The following RPS6KA6 variants were observed in gnomAD, a reference collection of about 807,000 sequenced individuals.
The protein encoded by RPS6KA6 is ribosomal protein S6 kinase A6.
In RPS6KA6, 27 loss-of-function variants were observed where a neutral mutation model predicts 65.4. That is an observed-to-expected ratio of 0.41 (90% CI 0.30 to 0.57). RPS6KA6 has a LOEUF of 0.57. RPS6KA6 is among the 20% of genes least tolerant of loss of function. The pLI, the probability that RPS6KA6 is intolerant of heterozygous loss-of-function variation, is 0.24. For missense variants in RPS6KA6, 486 were observed against 555.6 expected, an observed-to-expected ratio of 0.87 and a Z score of 1.26; for synonymous variants, 190 against 184.2, an observed-to-expected ratio of 1.03 and a Z score of -0.26.
intron 17 of RPS6KA6, among the ~76,000 whole-genome samples, chrX:84,103,353 A>C (rs747968355): frequency 9.0e-6 from 1 of 111,305 alleles, no homozygotes; most frequent in East Asian, 2.8e-4. Context: ...AATAGAAACA[A>C]TAAAGAAGAA....
At chrX:84,071,458 C>T (rs751903598) in intron 20 of RPS6KA6, among the ~76,000 whole-genome samples, 1 of 111,005 alleles carries the variant, frequency 9.0e-6, no homozygotes, top group East Asian at 2.8e-4. Flanking sequence ...TAGTCTGGTC[C>T]TGCCTAAAAA....
At chrX:84,107,149 T>A in intron 13 of RPS6KA6, 109 bp from the exon 14 acceptor site, 1 of 559,816 alleles carries the variant, frequency 1.8e-6, no homozygotes, top group Non-Finnish European at 2.7e-6. Context: ...TACTAACATA[T>A]TATATATTTG....
intron 20 of RPS6KA6, among the ~76,000 whole-genome samples, chrX:84,084,819 T>C: frequency 8.9e-6 from 1 of 112,358 alleles, no homozygotes. Flanking sequence ...ACTTTCATGA[T>C]ATCGATTCTT....
chrX:84,146,302 G>T (rs2035198285), intron 5 of RPS6KA6, among the ~76,000 whole-genome samples: 1 of 111,440 alleles, frequency 9.0e-6, no homozygotes, highest in Non-Finnish European at 1.9e-5. Flanking sequence ...ATATTTTAAT[G>T]TATTATTTGT....
chrX:84,118,654 T>C lies in RPS6KA6; in HGVS notation c.790-1200A>G, dbSNP rs758704014. On this transcript the variant is annotated intron_variant, in intron 9 of 21. Coordinates refer to ENST00000262752, the MANE Select transcript of RPS6KA6 (RefSeq NM_014496.5). ...AACCCCCTAAAGCTCACAAATTTTATAGGCATTTTTATCTTTGACAATTCA... is the reference window on the plus strand; with the variant it reads ...AACCCCCTAAAGCTCACAAATTTTACAGGCATTTTTATCTTTGACAATTCA... Among the ~76,000 whole-genome samples the C allele has an allele frequency of 1.5e-4, 17 of 112,107 alleles. No individual in the cohort carries two copies. In the South Asian group the frequency reaches 3.7e-3, roughly 25 times the overall value.
intron 3 of RPS6KA6, among the ~76,000 whole-genome samples, chrX:84,151,588 C>G (rs1056374301): frequency 3.6e-5 from 4 of 110,874 alleles, no homozygotes; most frequent in African/African-American, 1.3e-4. Flanking sequence ...TCCATAAAAA[C>G]AGTGGTTGGT....
At position 84,188,021 on chromosome X, in the gene RPS6KA6, C is replaced by G; in HGVS notation, c.-122G>C. 5 of 406,929 alleles carry G rather than the reference C, an allele frequency of 1.2e-5. No homozygotes were observed. Among genetic ancestry groups the G allele is most frequent in the African/African-American group, 2.9e-5 (1 of 35,033 alleles). 33.5% of individuals were successfully genotyped at this position (406,929 alleles called of 1,213,427 possible). ...GCCGCCGCCGCCGCGACCCCCAGCC[C>G]CGCCTTCAGCGAGCGCTGCCCTCGC... On this transcript the variant is annotated 5_prime_UTR_variant, in exon 1 of 22. Coordinates refer to ENST00000262752, the MANE Select transcript of RPS6KA6 (RefSeq NM_014496.5).
chrX:84,106,316 T>G, intron 15 of RPS6KA6, 49 bp downstream of exon 15: 1 of 1,132,210 alleles, frequency 8.8e-7, no homozygotes, highest in Non-Finnish European at 1.2e-6. Context: ...ACTCATAATT[T>G]AAATTACATG....
At position 84,156,101 on chromosome X, in the gene RPS6KA6, C is replaced by A; in HGVS notation, c.232G>T (p.Val78Phe). The stretch of plus-strand genomic sequence containing the variant: ...TTTCCAAATGACCCCTGACCAAGAA[C>A]CTTGAGCAACTCAAACTGTGCAGGA... ...ADPAQFELLKVLGQGSFGKVF... is the reference protein window; with the variant it reads ...ADPAQFELLKFLGQGSFGKVF... The change falls in exon 3 of 22, where the codon GTT becomes TTT. Residue 78 changes from valine (V) to phenylalanine (F), a missense_variant. Coordinates refer to ENST00000262752, the MANE Select transcript of RPS6KA6 (RefSeq NM_014496.5). 1 of 1,187,583 alleles carries A rather than the reference C, an allele frequency of 8.4e-7. No individual in the cohort carries two copies. Among genetic ancestry groups the A allele is most frequent in the East Asian group, 3.0e-5 (1 of 33,615 alleles).
At chrX:84,173,195 A>G (rs1340349359) in intron 1 of RPS6KA6, among the ~76,000 whole-genome samples, 2 of 110,850 alleles carry the variant, frequency 1.8e-5, no homozygotes, top group South Asian at 3.8e-4. Flanking sequence ...CATCAGGTAA[A>G]TTTCTTGTCA....
chrX:84,138,801 TTGTG>T (rs3077407), intron 6 of RPS6KA6, among the ~76,000 whole-genome samples: 14,765 of 99,043 alleles, frequency 0.15, 1,026 homozygotes, highest in Middle Eastern at 0.25. Context: ...ACCTGTGTAT[TTGTG>T]TGTGTGTGTG....
Position 84,145,508 on chromosome X carries a change from T to TC in RPS6KA6, c.470dup (p.Gly158ArgfsTer40). 8.7e-7 allele frequency: 1 copy of TC among 1,153,988 alleles called. No individual in the cohort carries two copies. Among genetic ancestry groups the TC allele is most frequent in the Non-Finnish European group, 1.2e-6 (1 of 862,022 alleles). On this transcript the variant is annotated frameshift_variant, in exon 6 of 22. Coordinates refer to ENST00000262752, the MANE Select transcript of RPS6KA6 (RefSeq NM_014496.5). LOFTEE classifies it high-confidence loss of function. ...TGGATAATCTTGTGAAAACATCTCCTCCCCTGAGAAAATCCAGTATTAAGT... is the reference window on the plus strand; with the variant it reads ...TGGATAATCTTGTGAAAACATCTCCTCCCCCTGAGAAAATCCAGTATTAAGT...
chrX:84,119,588 TA>T (rs1352836009), intron 9 of RPS6KA6, among the ~76,000 whole-genome samples: 2 of 111,714 alleles, frequency 1.8e-5, no homozygotes, highest in Non-Finnish European at 3.8e-5. Flanking sequence ...ATGTAACTGA[TA>T]AACTCATCAT....
Position 84,104,582 on chromosome X carries a change from T to C in RPS6KA6, c.1531A>G (p.Lys511Glu). Residue 511 changes from lysine (K) to glutamate (E), a missense_variant, in exon 17 of 22, where the codon AAA becomes GAA. Coordinates refer to ENST00000262752, the MANE Select transcript of RPS6KA6 (RefSeq NM_014496.5). ...TCCCGTTCCGAGAAACATTTTTGTT[T>C]GAGAATACGGTCAAGTAACTCTCCT... ...KGGELLDRIL[K>E]QKCFSEREAS... 8.4e-7 allele frequency: 1 copy of C among 1,187,724 alleles called. No homozygotes were observed. Among genetic ancestry groups the C allele is most frequent in the South Asian group, 1.9e-5 (1 of 53,766 alleles).
rs1266664966 is a variant in RPS6KA6 at position 84,059,673 on chromosome X, T to G, written c.*4604A>C. On this transcript the variant is annotated 3_prime_UTR_variant, in exon 22 of 22. Coordinates refer to ENST00000262752, the MANE Select transcript of RPS6KA6 (RefSeq NM_014496.5). ...TTCTCTATAATTGTCCACGTAAAAT[T>G]AAATGCTTAATACCTTTTGAAGAAT... 3.6e-5 allele frequency: 4 copies of G among 111,840 alleles called. No individual in the cohort carries two copies. Among genetic ancestry groups the G allele is most frequent in the African/African-American group, 1.3e-4 (4 of 30,798 alleles). 9.2% of individuals were successfully genotyped at this position (111,840 alleles called of 1,213,427 possible).
At chrX:84,092,270 C>T (rs1241548512) in intron 20 of RPS6KA6, among the ~76,000 whole-genome samples, 3 of 110,492 alleles carry the variant, frequency 2.7e-5, no homozygotes, top group East Asian at 2.8e-4. Flanking sequence ...CAAAATAAAG[C>T]ACCAGGTGCT....
intron 8 of RPS6KA6, among the ~76,000 whole-genome samples, chrX:84,128,034 CTT>C (rs1426479512): frequency 9.0e-6 from 1 of 110,953 alleles, no homozygotes; most frequent in Non-Finnish European, 1.9e-5. Flanking sequence ...TCAAATTATC[CTT>C]TTTTACTGAT....
intron 8 of RPS6KA6, among the ~76,000 whole-genome samples, chrX:84,132,330 G>A (rs1242225032): frequency 9.0e-6 from 1 of 110,610 alleles, no homozygotes; most frequent in Non-Finnish European, 1.9e-5. Context: ...TGGGGTGGGA[G>A]GATGGCTTGA....
chrX:84,126,802 T>A (rs2034798599), intron 8 of RPS6KA6, among the ~76,000 whole-genome samples: 1 of 110,714 alleles, frequency 9.0e-6, no homozygotes, highest in Admixed American at 9.6e-5. Context: ...AAATTAATGA[T>A]AATAGAAATA....
Sources: allele counts gnomAD v4.1 joint callset (sites outside exome capture counted in the v4.1 genomes callset), GRCh38; gene constraint gnomAD v4.1.1; transcripts MANE v1.5; gene names NCBI Gene and HGNC (gene_info 2026-07-23, HGNC 2026-07-21).